ARHGAP32: variants seen among roughly 807,000 people sequenced by gnomAD.
ARHGAP32 encodes the protein Rho GTPase activating protein 32, also known as rho GTPase-activating protein 32.
ARHGAP32 carries 51 observed loss-of-function variants against 186.5 expected under a neutral mutation model. That is an observed-to-expected ratio of 0.27 (90% CI 0.22 to 0.35). The LOEUF (loss-of-function observed/expected upper bound fraction) is 0.35, where lower values mean the gene tolerates loss of function less well. Among genes scored for constraint, ARHGAP32 ranks in the 10% least tolerant of loss-of-function variants. The pLI, the probability that ARHGAP32 is intolerant of heterozygous loss-of-function variation, is 1.00. For missense variants in ARHGAP32, 2,186 were observed against 2,623.5 expected (o/e 0.83, Z 3.64); for synonymous variants, 950 against 964.3 (o/e 0.99, Z 0.27).
At chr11:129,093,913 G>C (rs1941657062) in intron 5 of ARHGAP32, among the ~76,000 whole-genome samples, 1 of 152,136 alleles carries the variant, frequency 6.6e-6, no homozygotes, top group Non-Finnish European at 1.5e-5. Flanking sequence ...TATCTGTGTA[G>C]CTTACGTATA....
At position 129,078,217 on chromosome 11, in the gene ARHGAP32, C is replaced by T. The variant is rs141254603; in HGVS notation, c.532-11349G>A. ...TCCAGGAGAGCAATAACAATCACTGCAGTCCAGCTCTCAGGAAGCCCCATC... is the reference window on the plus strand; with the variant it reads ...TCCAGGAGAGCAATAACAATCACTGTAGTCCAGCTCTCAGGAAGCCCCATC... On this transcript the variant is annotated intron_variant, in intron 6 of 22. Coordinates refer to ENST00000682385, the MANE Select transcript of ARHGAP32 (RefSeq NM_001378024.1). Among the ~76,000 whole-genome samples, 6 of 152,230 alleles carry T rather than the reference C, an allele frequency of 3.9e-5. No individual in the cohort carries two copies. The East Asian group carries it at 7.8e-4, about 20-fold the overall frequency.
At chr11:129,042,296 A>G (rs566472839) in intron 10 of ARHGAP32, among the ~76,000 whole-genome samples, 7 of 152,136 alleles carry the variant, frequency 4.6e-5, no homozygotes, top group African/African-American at 4.8e-5. Context: ...GACTCTGGGC[A>G]TGCACCACCT....
intron 2 of ARHGAP32, among the ~76,000 whole-genome samples, chr11:129,155,819 T>TCC (rs1943389371): frequency 6.6e-6 from 1 of 151,974 alleles, no homozygotes; most frequent in South Asian, 2.1e-4. Context: ...AGTTTGCAGC[T>TCC]CCCAGCGAGA....
intron 1 of ARHGAP32, among the ~76,000 whole-genome samples, chr11:129,169,475 C>T (rs1362719790): frequency 6.6e-6 from 1 of 151,608 alleles, no homozygotes; most frequent in African/African-American, 2.4e-5. Context: ...ACTAAAACTA[C>T]AAAAAATTAG....
intron 1 of ARHGAP32, among the ~76,000 whole-genome samples, chr11:129,256,621 A>G (rs6590372): frequency 0.35 from 52,793 of 151,996 alleles, 9,572 homozygotes; most frequent in South Asian, 0.46. Flanking sequence ...TCTAAAGGAA[A>G]TAATTCCAAA....
intron 1 of ARHGAP32, among the ~76,000 whole-genome samples, chr11:129,234,951 T>C (rs1008492680): frequency 6.6e-6 from 1 of 152,172 alleles, no homozygotes; most frequent in African/African-American, 2.4e-5. Flanking sequence ...AAAAAATATA[T>C]ATCCACATCC....
intron 9 of ARHGAP32, 84 bp from the exon 10 acceptor site, chr11:129,062,441 A>T (rs535682001): frequency 2.6e-6 from 3 of 1,169,324 alleles, no homozygotes; most frequent in African/African-American, 3.0e-5. Context: ...TCCGAACTGT[A>T]TGAAAAGGTA....
rs1945308920 is a variant in ARHGAP32 at position 128,969,816 on chromosome 11, A to G, written c.5397T>C (p.Gly1799=). 40 of 1,614,084 alleles carry G rather than the reference A, an allele frequency of 2.5e-5. No homozygotes were observed. The highest frequency in any genetic ancestry group is 3.3e-5 in the Non-Finnish European group (39 of 1,180,004). ...NMTPAVQDDL[G]GIYVIHLRSK... ...TACGCAGATGGATGACATAGATCCC[A>G]CCCAAGTCGTCCTGCACCGCCGGGG... The change falls in exon 23 of 23, where the codon GGT becomes GGC. Residue 1799 remains glycine (G), a synonymous_variant. Coordinates refer to ENST00000682385, the MANE Select transcript of ARHGAP32 (RefSeq NM_001378024.1). This position sits in a 1 kb window ranked among gnomAD's most constrained non-coding sequence, Gnocchi z 4.8.
intron 1 of ARHGAP32, among the ~76,000 whole-genome samples, chr11:129,244,752 A>G (rs530806865): frequency 6.8e-6 from 1 of 148,056 alleles, no homozygotes; most frequent in East Asian, 1.9e-4. Flanking sequence ...AATTTACAAG[A>G]AAAAAAACAA....
intron 12 of ARHGAP32, among the ~76,000 whole-genome samples, chr11:128,997,054 C>T (rs1366274459): frequency 1.3e-5 from 2 of 152,158 alleles, no homozygotes; most frequent in African/African-American, 4.8e-5. Flanking sequence ...GCTGGGATTG[C>T]AGACGTGAGC....
intron 1 of ARHGAP32, among the ~76,000 whole-genome samples, chr11:129,274,771 T>C (rs1487796420): frequency 6.6e-6 from 1 of 152,158 alleles, no homozygotes; most frequent in Non-Finnish European, 1.5e-5. Context: ...AATTAGCTTT[T>C]ATTATTTCAA....
At chr11:129,142,620 T>A (rs1943079323) in intron 2 of ARHGAP32, among the ~76,000 whole-genome samples, 1 of 151,818 alleles carries the variant, frequency 6.6e-6, no homozygotes, top group South Asian at 2.1e-4. Flanking sequence ...AAATCAGAAA[T>A]AATATCACCC....
intron 6 of ARHGAP32, among the ~76,000 whole-genome samples, chr11:129,071,599 C>G (rs1371167774): frequency 6.6e-6 from 1 of 152,018 alleles, no homozygotes; most frequent in African/African-American, 2.4e-5. Flanking sequence ...AGGGACTCCC[C>G]ATACACTTTT....
intron 1 of ARHGAP32, among the ~76,000 whole-genome samples, chr11:129,168,597 A>G (rs1165677098): frequency 6.6e-6 from 1 of 152,260 alleles, no homozygotes; most frequent in Non-Finnish European, 1.5e-5. Context: ...ATCCCTCTCA[A>G]TGGCTGATAG....
At chr11:129,205,231 C>A (rs1396041398) in intron 1 of ARHGAP32, among the ~76,000 whole-genome samples, 1 of 152,034 alleles carries the variant, frequency 6.6e-6, no homozygotes, top group Admixed American at 6.6e-5. Flanking sequence ...TCAAAATGAA[C>A]AATGAATACA....
chr11:129,160,389 G>A (rs1257531142), intron 2 of ARHGAP32, among the ~76,000 whole-genome samples: 1 of 152,160 alleles, frequency 6.6e-6, no homozygotes, highest in Non-Finnish European at 1.5e-5. Flanking sequence ...AAGCTGATCA[G>A]CAACTTCAGC....
At chr11:129,242,654 C>T (rs1296739592) in intron 1 of ARHGAP32, among the ~76,000 whole-genome samples, 1 of 149,734 alleles carries the variant, frequency 6.7e-6, no homozygotes, top group Admixed American at 6.7e-5. Context: ...GGAGGTGGAG[C>T]TTGCAGTGAG....
chr11:129,034,993 G>A (rs1458597161), intron 11 of ARHGAP32, among the ~76,000 whole-genome samples: 1 of 152,044 alleles, frequency 6.6e-6, no homozygotes, highest in African/African-American at 2.4e-5. Flanking sequence ...AAGCCTTCAA[G>A]AAAAGTGTCA....
intron 6 of ARHGAP32, 54 bp downstream of exon 6, chr11:129,093,567 A>T (rs1309527139): frequency 2.4e-6 from 3 of 1,233,646 alleles, no homozygotes; most frequent in Non-Finnish European, 3.5e-6. Flanking sequence ...TTTAATCATC[A>T]CTCAACCTAA....
Sources: gnomAD v4.1 joint callset for allele counts (sites outside exome capture counted in the v4.1 genomes callset) on GRCh38, gnomAD v4.1.1 for gene constraint, Gnocchi (gnomAD v3.1) non-coding constraint, MANE v1.5 for transcripts, NCBI Gene and HGNC (gene_info 2026-07-23, HGNC 2026-07-21) for gene names.